The following ADCY1 variants were observed in gnomAD, a reference collection of about 807,000 sequenced individuals.
ADCY1 encodes the protein adenylate cyclase 1, also known as adenylate cyclase type 1.
A neutral mutation model predicts 105.4 loss-of-function variants in ADCY1; 28 were observed. That is an observed-to-expected ratio of 0.27 (90% confidence interval 0.20 to 0.36). The LOEUF (loss-of-function observed/expected upper bound fraction) is 0.36. Among genes scored for constraint, ADCY1 ranks in the 10% least tolerant of loss-of-function variants. ADCY1 has a pLI of 1.00. For missense variants in ADCY1, 977 were observed against 1,434.2 expected (o/e 0.68, Z 5.15); for synonymous variants, 655 against 623.8 (o/e 1.05, Z -0.75).
chr7:45,616,053 A>G (rs1793729107), intron 3 of ADCY1, among the ~76,000 whole-genome samples: 1 of 152,244 alleles, frequency 6.6e-6, no homozygotes, highest in Non-Finnish European at 1.5e-5. Flanking sequence ...ATAAGAGACT[A>G]CTGTGAACAC....
chr7:45,655,452 C>T (rs994379231), intron 5 of ADCY1, among the ~76,000 whole-genome samples: 4 of 152,236 alleles, frequency 2.6e-5, no homozygotes, highest in Non-Finnish European at 5.9e-5. Context: ...CGTGGAAATT[C>T]TGTTCCTTGG....
chr7:45,682,730 G>A (rs1784585325), intron 11 of ADCY1, among the ~76,000 whole-genome samples: 1 of 152,230 alleles, frequency 6.6e-6, no homozygotes, highest in Admixed American at 6.5e-5. Flanking sequence ...CACCCAGGCT[G>A]GCTAGGGTAG....
At chr7:45,640,177 G>C (rs191970380) in intron 4 of ADCY1, among the ~76,000 whole-genome samples, 88 of 152,280 alleles carry the variant, frequency 5.8e-4, no homozygotes, top group Non-Finnish European at 7.9e-4. Context: ...ACCTAGCTTT[G>C]ATTGCCCAGC....
At chr7:45,580,772 G>A (rs918863248) in intron 1 of ADCY1, among the ~76,000 whole-genome samples, 1 of 152,240 alleles carries the variant, frequency 6.6e-6, no homozygotes, top group African/African-American at 2.4e-5. Context: ...GCAGTGCTGA[G>A]TGTGGCCACC....
At chr7:45,680,446 T>G (rs556655270) in intron 11 of ADCY1, 1 of 152,386 alleles carries the variant, frequency 6.6e-6, no homozygotes, top group Non-Finnish European at 1.5e-5. Flanking sequence ...CTTCATCACA[T>G]TCTCCACCTT....
intron 4 of ADCY1, among the ~76,000 whole-genome samples, chr7:45,635,161 G>A (rs1438842254): frequency 6.7e-6 from 1 of 149,390 alleles, no homozygotes; most frequent in African/African-American, 2.5e-5. Context: ...CCTTAAATAA[G>A]CTTGGTGGTA....
At chr7:45,601,373 C>T (rs1793233035) in intron 2 of ADCY1, among the ~76,000 whole-genome samples, 2 of 152,162 alleles carry the variant, frequency 1.3e-5, no homozygotes, top group Admixed American at 6.5e-5. Context: ...TCAGATCCAC[C>T]AGCCCTGAGT....
At chr7:45,627,610 C>T (rs1218118732) in intron 4 of ADCY1, among the ~76,000 whole-genome samples, 1 of 152,204 alleles carries the variant, frequency 6.6e-6, no homozygotes, top group Non-Finnish European at 1.5e-5. Context: ...TGGGGGACCT[C>T]TGATGGCGCC....
At chr7:45,690,421 G>A (rs1227323347) in intron 14 of ADCY1, among the ~76,000 whole-genome samples, 2 of 152,196 alleles carry the variant, frequency 1.3e-5, no homozygotes, top group Non-Finnish European at 2.9e-5. Context: ...CTGCCTGATA[G>A]GATTCACCAC....
At chr7:45,669,770 A>G (rs1159873239) in intron 8 of ADCY1, among the ~76,000 whole-genome samples, 1 of 152,212 alleles carries the variant, frequency 6.6e-6, no homozygotes, top group Non-Finnish European at 1.5e-5. Flanking sequence ...TAAAATTTCA[A>G]CTTGTTTGGT....
chr7:45,624,239 G>A (rs1793989019), intron 4 of ADCY1, among the ~76,000 whole-genome samples: 10 of 152,056 alleles, frequency 6.6e-5, no homozygotes, highest in Admixed American at 6.5e-4. Context: ...TGAGGCCGGT[G>A]AGACTTGCCA....
intron 5 of ADCY1, among the ~76,000 whole-genome samples, chr7:45,649,464 C>A (rs1794754346): frequency 6.6e-6 from 1 of 152,096 alleles, no homozygotes; most frequent in African/African-American, 2.4e-5. Flanking sequence ...TGGGTATGCT[C>A]CAATGAGATG....
intron 1 of ADCY1, among the ~76,000 whole-genome samples, chr7:45,583,942 T>TTTG (rs1389611038): frequency 0.015 from 1,488 of 97,008 alleles, 22 homozygotes; most frequent in South Asian, 0.029. Flanking sequence ...GCCCTGTTTT[T>TTTG]TTTTTTTTTT....
chr7:45,670,419 T>G (rs1030610813), intron 8 of ADCY1, among the ~76,000 whole-genome samples: 1 of 152,184 alleles, frequency 6.6e-6, no homozygotes, highest in Non-Finnish European at 1.5e-5. Flanking sequence ...GTGACAGGGT[T>G]TGGAGGTGTG....
At chr7:45,590,028 C>G (rs1192212904) in intron 1 of ADCY1, among the ~76,000 whole-genome samples, 1 of 152,094 alleles carries the variant, frequency 6.6e-6, no homozygotes, top group African/African-American at 2.4e-5. Context: ...GTGGCTGGTT[C>G]CCTCTGAGAA....
At chr7:45,606,367 T>G (rs1222563839) in intron 2 of ADCY1, among the ~76,000 whole-genome samples, 2 of 152,018 alleles carry the variant, frequency 1.3e-5, no homozygotes, top group Non-Finnish European at 2.9e-5. Context: ...TGGCCTGGAG[T>G]AGGTAAGTTA....
chr7:45,628,535 A>G (rs562335647), intron 4 of ADCY1, among the ~76,000 whole-genome samples: 14 of 152,236 alleles, frequency 9.2e-5, no homozygotes, highest in Admixed American at 9.2e-4. Context: ...GAGGAAGGGG[A>G]ACATGGGGAG....
intron 1 of ADCY1, among the ~76,000 whole-genome samples, chr7:45,585,606 G>A (rs1440050214): frequency 1.3e-5 from 2 of 151,978 alleles, no homozygotes; most frequent in Non-Finnish European, 2.9e-5. Context: ...GTACCACCAC[G>A]CCCGGCTAAT....
chr7:45,627,897 C>T (rs909145710), intron 4 of ADCY1, among the ~76,000 whole-genome samples: 1 of 152,120 alleles, frequency 6.6e-6, no homozygotes, highest in African/African-American at 2.4e-5. Flanking sequence ...TGGCTGTCAC[C>T]AGGTGGTAGT....
Sources: gnomAD v4.1 joint callset for allele counts (sites outside exome capture counted in the v4.1 genomes callset) on GRCh38, gnomAD v4.1.1 for gene constraint, MANE v1.5 for transcripts, NCBI Gene and HGNC (gene_info 2026-07-23, HGNC 2026-07-21) for gene names.